Variants in CHRNA7 observed in about 807,000 individuals in gnomAD.
CHRNA7 encodes neuronal acetylcholine receptor subunit alpha-7.
A neutral mutation model predicts 48.0 loss-of-function variants in CHRNA7; 17 were observed. The ratio of observed to expected loss-of-function variants is 0.35; its 90% confidence interval spans 0.24 to 0.53. The LOEUF is 0.53. Ranked by LOEUF, CHRNA7 falls within the 20% of genes least tolerant of loss-of-function variation. The probability of loss-of-function intolerance (pLI) is 0.92; values close to 1 mark genes in which losing one functional copy is unlikely to be tolerated. For missense variants in CHRNA7, 155 were observed against 577.7 expected (o/e 0.27, Z 7.50); for synonymous variants, 75 against 242.3 (o/e 0.31, Z 6.41).
intron 4 of CHRNA7, among the ~76,000 whole-genome samples, chr15:32,117,164 G>C (rs2050887091): frequency 6.6e-6 from 1 of 152,196 alleles, no homozygotes; most frequent in Non-Finnish European, 1.5e-5. Flanking sequence ...CAAGCCGTTG[G>C]AGTGAGCATT....
chr15:32,066,254 A>G (rs866973839), intron 2 of CHRNA7, among the ~76,000 whole-genome samples: 1 of 152,172 alleles, frequency 6.6e-6, no homozygotes, highest in South Asian at 2.1e-4. Context: ...GGGTTGGAGG[A>G]TATACTTTCC....
chr15:32,156,779 T>C (rs2051747192), intron 5 of CHRNA7: 1 of 110,364 alleles, frequency 9.1e-6, no homozygotes, highest in African/African-American at 3.2e-5. Context: ...TAACTTTTTT[T>C]CTTACAGACA....
intron 4 of CHRNA7, among the ~76,000 whole-genome samples, chr15:32,133,020 C>T (rs2051182629): frequency 6.6e-6 from 1 of 152,180 alleles, no homozygotes; most frequent in Admixed American, 6.5e-5. Flanking sequence ...GTAGGAGGCT[C>T]TCAAGGCTGG....
chr15:32,069,359 A>G (rs1296696842), intron 2 of CHRNA7, among the ~76,000 whole-genome samples: 2 of 152,246 alleles, frequency 1.3e-5, no homozygotes, highest in Non-Finnish European at 2.9e-5. Context: ...AGTCAAAGCC[A>G]CTGAGGCTGG....
chr15:32,112,139 A>G, intron 4 of CHRNA7: 3 of 619,104 alleles, frequency 4.8e-6, no homozygotes, highest in Non-Finnish European at 5.9e-6. Flanking sequence ...TAAGACGCCC[A>G]TGAAGTTGTA....
chr15:32,116,476 G>A (rs781215661), intron 4 of CHRNA7, among the ~76,000 whole-genome samples: 9 of 152,176 alleles, frequency 5.9e-5, no homozygotes, highest in Non-Finnish European at 1.2e-4. Context: ...TCTCTGTCTG[G>A]TGCTGATCCC....
intron 4 of CHRNA7, among the ~76,000 whole-genome samples, chr15:32,136,441 A>C (rs1045029525): frequency 1.3e-5 from 2 of 150,842 alleles, no homozygotes; most frequent in African/African-American, 4.9e-5. Context: ...CAGTGAGCTG[A>C]GATAGCACCA....
At chr15:32,032,001 T>A (rs1000972639) in intron 2 of CHRNA7, among the ~76,000 whole-genome samples, 2 of 152,034 alleles carry the variant, frequency 1.3e-5, no homozygotes, top group African/African-American at 4.8e-5. Context: ...AAAGAAATAG[T>A]GCTAAGAGCT....
chr15:32,121,883 A>G (rs1008510272), intron 4 of CHRNA7, among the ~76,000 whole-genome samples: 3 of 152,162 alleles, frequency 2.0e-5, no homozygotes, highest in Non-Finnish European at 2.9e-5. Flanking sequence ...GGAGAGGGAA[A>G]AGAACAGAAT....
chr15:32,126,751 T>A (rs1338757916), intron 4 of CHRNA7, among the ~76,000 whole-genome samples: 3 of 152,158 alleles, frequency 2.0e-5, no homozygotes, highest in Non-Finnish European at 4.4e-5. Context: ...AGATTAATAA[T>A]TATAGGTCAT....
chr15:32,034,205 G>T (rs2141159932), intron 2 of CHRNA7, among the ~76,000 whole-genome samples: 1 of 152,304 alleles, frequency 6.6e-6, no homozygotes, highest in East Asian at 1.9e-4. Flanking sequence ...AGATGAGAAG[G>T]AGTTTGCCAC....
rs1418634643 is a variant in CHRNA7, at chr15:32,170,180, G to C, written c.*1722G>C. The C allele has an allele frequency of 9.5e-6, 1 of 105,368 alleles. No homozygotes were observed. The highest frequency in any genetic ancestry group is 4.1e-5 in the African/African-American group (1 of 24,668). 6.5% of individuals were successfully genotyped at this position (105,368 alleles called of 1,614,324 possible). A position where few individuals can be genotyped will look rare whatever the true frequency, so the allele number is the denominator to read the frequency against. On this transcript the variant is annotated 3_prime_UTR_variant, in exon 10 of 10. Transcript: ENST00000306901. ...TAAATAAATTGTATGTGCTTTTCCA[G>C]CCATCTGGCTCACTCATTTCTGGGT...
intron 4 of CHRNA7, among the ~76,000 whole-genome samples, chr15:32,153,101 C>T (rs2141363798): frequency 6.6e-6 from 1 of 152,256 alleles, no homozygotes; most frequent in South Asian, 2.1e-4. Flanking sequence ...CCAGCTCCCT[C>T]CTGCACCTGC....
At chr15:32,041,016 T>C (rs558318220) in intron 2 of CHRNA7, among the ~76,000 whole-genome samples, 1 of 152,332 alleles carries the variant, frequency 6.6e-6, no homozygotes, top group African/African-American at 2.4e-5. Context: ...GTAAGTCAGA[T>C]GTAATTCTTA....
At chr15:32,114,456 G>A (rs1475831878) in intron 4 of CHRNA7, among the ~76,000 whole-genome samples, 1 of 152,082 alleles carries the variant, frequency 6.6e-6, no homozygotes, top group African/African-American at 2.4e-5. Context: ...CACATCTGTT[G>A]AGCTCTACTG....
chr15:32,106,399 C>G (rs769830873), intron 3 of CHRNA7, among the ~76,000 whole-genome samples: 8 of 152,096 alleles, frequency 5.3e-5, no homozygotes, highest in Non-Finnish European at 1.2e-4. Flanking sequence ...AAGAAAAAAA[C>G]TCTCCTTGAC....
intron 4 of CHRNA7, among the ~76,000 whole-genome samples, chr15:32,123,589 C>T (rs1242822052): frequency 3.9e-5 from 6 of 152,212 alleles, no homozygotes; most frequent in Non-Finnish European, 7.4e-5. Context: ...CTTCTGGGAG[C>T]GAGCCTGGCA....
At chr15:32,044,661 A>G (rs1485030522) in intron 2 of CHRNA7, among the ~76,000 whole-genome samples, 2 of 152,026 alleles carry the variant, frequency 1.3e-5, no homozygotes, top group African/African-American at 4.8e-5. Context: ...CACAGCTTTC[A>G]CTTTATCTCA....
chr15:32,141,004 T>A (rs1010401865), intron 4 of CHRNA7, among the ~76,000 whole-genome samples: 2 of 152,344 alleles, frequency 1.3e-5, no homozygotes, highest in African/African-American at 4.8e-5. Context: ...CCCATGCCTA[T>A]GTCCTGAATG....
Sources: gnomAD v4.1 joint callset for allele counts (sites outside exome capture counted in the v4.1 genomes callset) on GRCh38, gnomAD v4.1.1 for gene constraint, MANE v1.5 for transcripts, NCBI Gene and HGNC (gene_info 2026-07-23, HGNC 2026-07-21) for gene names.